UGGT2: variants seen among roughly 807,000 people sequenced by gnomAD.
UGGT2 encodes the protein UDP-glucose:glycoprotein glucosyltransferase 2.
In UGGT2, 180 loss-of-function variants were observed where a neutral mutation model predicts 192.1. That is an observed-to-expected ratio of 0.94 (90% CI 0.83 to 1.06). The LOEUF (loss-of-function observed/expected upper bound fraction) is 1.06, where lower values mean the gene tolerates loss of function less well. Ranked by LOEUF, UGGT2 falls within the 50% of genes least tolerant of loss-of-function variation. UGGT2 has a pLI of 0.00. For missense variants in UGGT2, 1,849 were observed against 1,795.7 expected (o/e 1.03, Z -0.54); for synonymous variants, 580 against 591.0 (o/e 0.98, Z 0.27).
chr13:95,890,790 T>C (rs902900441), intron 25 of UGGT2, 72 bp downstream of exon 25: 12 of 1,150,348 alleles, frequency 1.0e-5, no homozygotes, highest in Non-Finnish European at 1.3e-6. Context: ...CAGCTGATTA[T>C]ATTTGAAAAC....
At chr13:95,817,536 T>C (rs530308093) in intron 38 of UGGT2, among the ~76,000 whole-genome samples, 28 of 152,108 alleles carry the variant, frequency 1.8e-4, no homozygotes, top group Non-Finnish European at 3.2e-4. Flanking sequence ...TGAGCTATGA[T>C]TGCCACTGCA....
chr13:95,826,558 T>G (rs977656667), intron 38 of UGGT2, among the ~76,000 whole-genome samples: 3 of 152,066 alleles, frequency 2.0e-5, no homozygotes, highest in African/African-American at 7.2e-5. Flanking sequence ...AAAGTAGTCT[T>G]TATGTACAAG....
At chr13:96,024,841 TGA>T (rs1196276233) in intron 2 of UGGT2, among the ~76,000 whole-genome samples, 1 of 152,212 alleles carries the variant, frequency 6.6e-6, no homozygotes, top group African/African-American at 2.4e-5. Flanking sequence ...ACTCTCTTTC[TGA>T]GAGGAGGAAA....
chr13:95,897,303 C>CA (rs142099229), intron 22 of UGGT2, among the ~76,000 whole-genome samples: 10,912 of 151,466 alleles, frequency 0.072, 671 homozygotes, highest in African/African-American at 0.16. Flanking sequence ...GACTATAAAA[C>CA]AAAAAAAAGA....
rs977922395 is a variant in UGGT2, at chr13:95,923,461, C to T, written c.2295+2219G>A. 3.2e-4 allele frequency among the ~76,000 whole-genome samples: 48 copies of T among 151,602 alleles called. 1 individual carries two copies. Among genetic ancestry groups the T allele is most frequent in the Admixed American group, 2.6e-3 (39 of 15,214 alleles). ...TTGGCTCACTGCAACCTCCGCCTCC[C>T]GGGTTCAAGGGATTCTCCTGCCTCA... is the stretch of plus-strand genomic sequence containing the variant. On this transcript the variant is annotated intron_variant, in intron 20 of 38. Coordinates refer to ENST00000376747, the MANE Select transcript of UGGT2 (RefSeq NM_020121.4).
At chr13:95,990,102 T>C in intron 7 of UGGT2, 29 bp from the exon 8 acceptor site, 2 of 1,454,118 alleles carry the variant, frequency 1.4e-6, no homozygotes, top group Non-Finnish European at 9.5e-7. Flanking sequence ...TGATGTTAAG[T>C]AGCATCACCT....
intron 12 of UGGT2, among the ~76,000 whole-genome samples, chr13:95,961,456 C>T (rs1309495675): frequency 6.6e-6 from 1 of 152,066 alleles, no homozygotes; most frequent in Non-Finnish European, 1.5e-5. Context: ...AATAGCTATA[C>T]TTTTATCAGA....
At chr13:96,031,524 C>T (rs1223082532) in intron 2 of UGGT2, among the ~76,000 whole-genome samples, 1 of 151,948 alleles carries the variant, frequency 6.6e-6, no homozygotes, top group Non-Finnish European at 1.5e-5. Flanking sequence ...GCTATACTGC[C>T]CAGGCTAGTC....
At chr13:95,963,341 T>C (rs1267967077) in intron 12 of UGGT2, among the ~76,000 whole-genome samples, 1 of 152,022 alleles carries the variant, frequency 6.6e-6, no homozygotes, top group African/African-American at 2.4e-5. Context: ...TCTGATTAAA[T>C]TCAACATTCA....
chr13:95,938,274 G>A (rs1247868249), intron 16 of UGGT2, among the ~76,000 whole-genome samples: 1 of 152,206 alleles, frequency 6.6e-6, no homozygotes, highest in African/African-American at 2.4e-5. Flanking sequence ...TACGGAGTTA[G>A]AGAGGGGTGT....
chr13:95,869,267 T>C (rs1891004781), intron 29 of UGGT2, among the ~76,000 whole-genome samples: 1 of 152,160 alleles, frequency 6.6e-6, no homozygotes, highest in Non-Finnish European at 1.5e-5. Context: ...TGTGCCACAT[T>C]TTCTTAATCC....
intron 12 of UGGT2, among the ~76,000 whole-genome samples, chr13:95,959,782 C>A (rs1197530045): frequency 6.6e-6 from 1 of 152,174 alleles, no homozygotes; most frequent in Non-Finnish European, 1.5e-5. Context: ...TCCCAGCACC[C>A]AAGCAAGTCA....
intron 34 of UGGT2, 90 bp downstream of exon 34, chr13:95,856,068 A>G: frequency 9.2e-7 from 1 of 1,087,978 alleles, no homozygotes; most frequent in Non-Finnish European, 1.3e-6. Context: ...TGAAGATAAT[A>G]AACATGAGCA....
intron 34 of UGGT2, among the ~76,000 whole-genome samples, 192 bp from the exon 35 acceptor site, chr13:95,854,667 TA>T (rs1236976805): frequency 2.6e-5 from 4 of 152,212 alleles, no homozygotes; most frequent in Non-Finnish European, 5.9e-5. Context: ...AAAGGTAAAC[TA>T]AAATTTATAT....
intron 1 of UGGT2, among the ~76,000 whole-genome samples, chr13:96,050,510 C>T (rs1203903581): frequency 2.6e-5 from 4 of 152,196 alleles, no homozygotes; most frequent in Non-Finnish European, 4.4e-5. Flanking sequence ...AGCATCTGCA[C>T]AGCAAAAGAA....
At chr13:95,842,032 T>C (rs1392309683) in intron 36 of UGGT2, among the ~76,000 whole-genome samples, 1 of 152,238 alleles carries the variant, frequency 6.6e-6, no homozygotes, top group East Asian at 1.9e-4. Context: ...AATTCTATTC[T>C]AGTGACCAAT....
chr13:95,910,453 A>T (rs896414321), intron 20 of UGGT2, among the ~76,000 whole-genome samples: 1 of 152,190 alleles, frequency 6.6e-6, no homozygotes, highest in African/African-American at 2.4e-5. Context: ...TCTCTGATAA[A>T]ACAGACTTTA....
chr13:95,804,008 A>C (rs571090662), intron 38 of UGGT2, among the ~76,000 whole-genome samples: 8 of 152,342 alleles, frequency 5.3e-5, no homozygotes, highest in Non-Finnish European at 1.2e-4. Context: ...AACAAGAACA[A>C]AATGAAATTA....
intron 20 of UGGT2, among the ~76,000 whole-genome samples, chr13:95,908,107 A>T (rs1366919121): frequency 3.3e-5 from 5 of 152,246 alleles, no homozygotes; most frequent in African/African-American, 1.2e-4. Context: ...CACATGCACA[A>T]GCTTCAATAG....
Sources: gnomAD v4.1 joint callset for allele counts (sites outside exome capture counted in the v4.1 genomes callset) on GRCh38, gnomAD v4.1.1 for gene constraint, MANE v1.5 for transcripts, NCBI Gene and HGNC (gene_info 2026-07-23, HGNC 2026-07-21) for gene names.